TRHR: variants seen among roughly 807,000 people sequenced by gnomAD.
TRHR encodes the protein thyrotropin-releasing hormone receptor.
Under a neutral mutation model 28.0 loss-of-function variants are expected in TRHR, and 14 were observed. That is an observed-to-expected ratio of 0.50 (90% CI 0.33 to 0.78). The LOEUF (loss-of-function observed/expected upper bound fraction) is 0.78. Ranked by LOEUF, TRHR falls within the 30% of genes least tolerant of loss-of-function variation. The probability of loss-of-function intolerance (pLI) is 0.02; values close to 1 mark genes in which losing one functional copy is unlikely to be tolerated. For synonymous variants in TRHR, 176 were observed against 171.9 expected, an observed-to-expected ratio of 1.02 and a Z score of -0.18; for missense variants, 438 against 469.5, an observed-to-expected ratio of 0.93 and a Z score of 0.62.
chr8:109,118,136 T>A (rs759139127), intron 2 of TRHR, among the ~76,000 whole-genome samples: 1 of 151,952 alleles, frequency 6.6e-6, no homozygotes, highest in Non-Finnish European at 1.5e-5. Flanking sequence ...TCAAGCTCAC[T>A]TGGACAGTAA....
intron 2 of TRHR, among the ~76,000 whole-genome samples, chr8:109,091,877 A>G (rs971423306): frequency 1.2e-4 from 18 of 152,308 alleles, no homozygotes; most frequent in Admixed American, 7.2e-4. Context: ...TATAAAGGAG[A>G]CATTGTTTAA....
intron 2 of TRHR, among the ~76,000 whole-genome samples, chr8:109,118,348 T>C (rs1563628670): frequency 6.6e-6 from 1 of 152,002 alleles, no homozygotes; most frequent in Non-Finnish European, 1.5e-5. Flanking sequence ...TTTTGCATTA[T>C]TCTTTTCATG....
At chr8:109,106,005 A>G (rs1172983842) in intron 2 of TRHR, among the ~76,000 whole-genome samples, 1 of 152,188 alleles carries the variant, frequency 6.6e-6, no homozygotes, top group Admixed American at 6.6e-5. Context: ...TGCTGAAAAG[A>G]TAAATTATAA....
chr8:109,104,262 T>C (rs1201552805), intron 2 of TRHR, among the ~76,000 whole-genome samples: 2 of 152,172 alleles, frequency 1.3e-5, no homozygotes, highest in East Asian at 3.8e-4. Context: ...AGTTGCTTAG[T>C]AACACTGAGC....
At chr8:109,108,847 G>A (rs990761279) in intron 2 of TRHR, among the ~76,000 whole-genome samples, 9 of 152,052 alleles carry the variant, frequency 5.9e-5, no homozygotes, top group African/African-American at 2.2e-4. Flanking sequence ...CACCTCCTGT[G>A]AACAAGAAAA....
chr8:109,101,283 A>T (rs1811673887), intron 2 of TRHR, among the ~76,000 whole-genome samples: 1 of 152,168 alleles, frequency 6.6e-6, no homozygotes, highest in African/African-American at 2.4e-5. Flanking sequence ...GAATCAATAG[A>T]GTTGGTGTGA....
intron 2 of TRHR, among the ~76,000 whole-genome samples, chr8:109,096,103 G>A (rs1228097929): frequency 3.3e-5 from 5 of 152,204 alleles, no homozygotes; most frequent in Non-Finnish European, 5.9e-5. Flanking sequence ...ACTCCTTAGC[G>A]TCACAAGTAA....
At chr8:109,109,805 C>T (rs1193800072) in intron 2 of TRHR, among the ~76,000 whole-genome samples, 2 of 151,684 alleles carry the variant, frequency 1.3e-5, no homozygotes, top group Admixed American at 1.3e-4. Flanking sequence ...ATGTGTGCCT[C>T]TCTCTAACTT....
At chr8:109,098,313 A>G (rs1022958404) in intron 2 of TRHR, among the ~76,000 whole-genome samples, 5 of 151,326 alleles carry the variant, frequency 3.3e-5, no homozygotes, top group Non-Finnish European at 7.4e-5. Context: ...TCATTTTTGT[A>G]TAAAGACGAG....
intron 2 of TRHR, among the ~76,000 whole-genome samples, chr8:109,103,825 C>A (rs548130568): frequency 4.9e-4 from 75 of 152,230 alleles, no homozygotes; most frequent in African/African-American, 1.7e-3. Flanking sequence ...TAAATCACAC[C>A]GGGCTCACTG....
intron 2 of TRHR, among the ~76,000 whole-genome samples, chr8:109,097,755 A>C (rs1029549644): frequency 2.6e-5 from 4 of 152,136 alleles, no homozygotes; most frequent in African/African-American, 7.2e-5. Flanking sequence ...ACCACCACCA[A>C]CACCTGCCTT....
chr8:109,113,078 G>T (rs11785269), intron 2 of TRHR, among the ~76,000 whole-genome samples: 46,432 of 151,954 alleles, frequency 0.31, 7,564 homozygotes, highest in East Asian at 0.48. Flanking sequence ...GTGTGACTAA[G>T]AAATAAAAGA....
chr8:109,111,022 G>A (rs1811824314), intron 2 of TRHR, among the ~76,000 whole-genome samples: 1 of 152,072 alleles, frequency 6.6e-6, no homozygotes, highest in Non-Finnish European at 1.5e-5. Context: ...ACATGGTGGT[G>A]CACGCATAGA....
At chr8:109,103,216 T>C (rs1811703515) in intron 2 of TRHR, among the ~76,000 whole-genome samples, 1 of 152,112 alleles carries the variant, frequency 6.6e-6, no homozygotes. Flanking sequence ...TTAAACCAGG[T>C]CTTTCCTTTA....
At chr8:109,105,037 A>G (rs558467607) in intron 2 of TRHR, among the ~76,000 whole-genome samples, 1 of 152,258 alleles carries the variant, frequency 6.6e-6, no homozygotes, top group African/African-American at 2.4e-5. Flanking sequence ...CCATTTGCAT[A>G]TGTGTCCATG....
chr8:109,088,440 C>A, intron 2 of TRHR, 139 bp downstream of exon 2: 1 of 933,974 alleles, frequency 1.1e-6, no homozygotes, highest in Non-Finnish European at 1.6e-6. Flanking sequence ...TAAGCTTCTG[C>A]CTAACATATT....
chr8:109,107,397 A>G (rs973254980), intron 2 of TRHR, among the ~76,000 whole-genome samples: 3 of 152,154 alleles, frequency 2.0e-5, no homozygotes, highest in African/African-American at 7.2e-5. Context: ...ACTGAGGTTT[A>G]CAAGGCTGAA....
At position 109,121,280 on chromosome 8, in the gene TRHR, G is replaced by A. The variant is rs1009889022; in HGVS notation, c.*1825G>A. ...TTGGCATCATATAAATAGAGCACCA[G>A]AGTGACCCAACCCCAAATCACACAA... is the stretch of plus-strand genomic sequence containing the variant. On this transcript the variant is annotated 3_prime_UTR_variant, in exon 3 of 3. Transcript: ENST00000518632. Among the ~76,000 whole-genome samples, 13 of 151,702 alleles carry A rather than the reference G, an allele frequency of 8.6e-5. No individual in the cohort carries two copies. The highest frequency in any genetic ancestry group is 3.1e-4 in the African/African-American group (13 of 41,456).
At chr8:109,088,786 T>C (rs994535860) in intron 2 of TRHR, among the ~76,000 whole-genome samples, 2 of 152,212 alleles carry the variant, frequency 1.3e-5, no homozygotes, top group Non-Finnish European at 2.9e-5. Context: ...AATGGAGACA[T>C]ATACCTGAGA....
Sources: allele counts gnomAD v4.1 joint callset (sites outside exome capture counted in the v4.1 genomes callset), GRCh38; gene constraint gnomAD v4.1.1; transcripts MANE v1.5; gene names NCBI Gene and HGNC (gene_info 2026-07-23, HGNC 2026-07-21).